ATG10: variants seen among roughly 807,000 people sequenced by gnomAD.
ATG10 encodes autophagy related 10.
A neutral mutation model predicts 32.1 loss-of-function variants in ATG10; 30 were observed. That is an observed-to-expected ratio of 0.94 (90% CI 0.70 to 1.27). The LOEUF is 1.27. ATG10 is among the 50% of genes most tolerant of loss of function. The pLI, the probability that ATG10 is intolerant of heterozygous loss-of-function variation, is 0.00. For synonymous variants in ATG10, 87 were observed against 91.5 expected, an observed-to-expected ratio of 0.95 and a Z score of 0.28; for missense variants, 233 against 262.3, an observed-to-expected ratio of 0.89 and a Z score of 0.77.
chr5:82,251,030 C>T (rs1351004983), intron 5 of ATG10, among the ~76,000 whole-genome samples: 1 of 152,128 alleles, frequency 6.6e-6, no homozygotes, highest in Non-Finnish European at 1.5e-5. Flanking sequence ...GGCGACTGGT[C>T]AGAGTCACCT....
At chr5:82,241,697 T>TAATAAAAAGAGAAAAAG (rs1746808501) in intron 5 of ATG10, among the ~76,000 whole-genome samples, 1 of 152,134 alleles carries the variant, frequency 6.6e-6, no homozygotes, top group Admixed American at 6.6e-5. Flanking sequence ...AGGGGTCTGC[T>TAATAAAAAGAGAAAAAG]CAACTGTTAC....
chr5:81,993,373 C>CT (rs1388896677), intron 2 of ATG10, among the ~76,000 whole-genome samples: 1 of 36,070 alleles, frequency 2.8e-5, no homozygotes, highest in Non-Finnish European at 6.1e-5. Context: ...CTTTTCTTTT[C>CT]TTTTCTTTTC....
chr5:82,114,527 A>T (rs912454288), intron 3 of ATG10, among the ~76,000 whole-genome samples: 5 of 152,036 alleles, frequency 3.3e-5, no homozygotes, highest in African/African-American at 1.2e-4. Flanking sequence ...TTTTGAGTCA[A>T]TTGAGGCTTT....
intron 2 of ATG10, among the ~76,000 whole-genome samples, chr5:82,055,035 C>CAA (rs1391476463): frequency 2.3e-4 from 35 of 152,036 alleles, no homozygotes; most frequent in East Asian, 1.7e-3. Context: ...GCAGGGCTGA[C>CAA]AAGAGTGGTG....
intron 5 of ATG10, among the ~76,000 whole-genome samples, chr5:82,214,968 T>A (rs1462630688): frequency 6.6e-6 from 1 of 152,248 alleles, no homozygotes; most frequent in East Asian, 1.9e-4. Flanking sequence ...ATAGCATGGA[T>A]GAAGACATGT....
chr5:81,993,336 C>CTTCCTTCCTTCCTTCTTTCTTTCTTTCT (rs1554039310), intron 2 of ATG10, among the ~76,000 whole-genome samples: 4 of 77,732 alleles, frequency 5.1e-5, no homozygotes, highest in Admixed American at 1.3e-4. Flanking sequence ...TCCTTCCTTC[C>CTTCCTTCCTTCCTTCTTTCTTTCTTTCT]TTCTTTCTTT....
In ATG10 at chr5:82,246,696, T is replaced by C. The variant is rs534449386; in HGVS notation, c.454-5866T>C. ...CATGATTTTTGCTTATATAATCTTA[T>C]GTCTTTTTTAAAAAATTAAGAAAAG... On this transcript the variant is annotated intron_variant, in intron 5 of 7. Coordinates refer to ENST00000282185, the MANE Select transcript of ATG10 (RefSeq NM_031482.5). 1.0e-3 allele frequency among the ~76,000 whole-genome samples: 158 copies of C among 152,282 alleles called. 2 individuals are homozygous for C. In the South Asian group the frequency reaches 0.029, roughly 28 times the overall value.
intron 5 of ATG10, among the ~76,000 whole-genome samples, chr5:82,251,984 A>G (rs1222265640): frequency 1.3e-5 from 2 of 152,116 alleles, no homozygotes; most frequent in African/African-American, 2.4e-5. Context: ...CAGAGACGGA[A>G]AGAGAGAGAG....
chr5:82,148,214 T>C (rs1224705189), intron 3 of ATG10: 1 of 152,194 alleles, frequency 6.6e-6, no homozygotes, highest in Non-Finnish European at 1.5e-5. Flanking sequence ...AATAAAATAC[T>C]ATTTGGCCCT....
chr5:82,240,623 TTA>T (rs573753857), intron 5 of ATG10, among the ~76,000 whole-genome samples: 122 of 152,274 alleles, frequency 8.0e-4, no homozygotes, highest in Non-Finnish European at 1.3e-3. Flanking sequence ...AAGAAATAAT[TTA>T]TTGGATAGTT....
intron 2 of ATG10, among the ~76,000 whole-genome samples, chr5:81,988,725 C>T (rs531763445): frequency 5.3e-5 from 8 of 152,258 alleles, no homozygotes; most frequent in South Asian, 2.1e-4. Flanking sequence ...TGAACCACCA[C>T]GCCTGGCCCA....
chr5:81,993,374 T>TTTTCTTTTCC (rs1761544995), intron 2 of ATG10, among the ~76,000 whole-genome samples: 1 of 39,836 alleles, frequency 2.5e-5, no homozygotes, highest in African/African-American at 1.3e-4. Flanking sequence ...TTTTCTTTTC[T>TTTTCTTTTCC]TTTCTTTTCT....
chr5:82,232,329 GA>G (rs1746396410), intron 5 of ATG10, among the ~76,000 whole-genome samples: 2 of 152,190 alleles, frequency 1.3e-5, no homozygotes, highest in South Asian at 4.1e-4. Flanking sequence ...CGTACCACCT[GA>G]AAGTTGTTTC....
chr5:82,234,257 C>A (rs1746475222), intron 5 of ATG10, among the ~76,000 whole-genome samples: 2 of 152,072 alleles, frequency 1.3e-5, no homozygotes, highest in Admixed American at 6.6e-5. Flanking sequence ...GAATTTGCTG[C>A]GTTTGAATTA....
intron 3 of ATG10, among the ~76,000 whole-genome samples, chr5:82,105,182 A>G (rs1295095374): frequency 6.6e-6 from 1 of 152,176 alleles, no homozygotes; most frequent in Non-Finnish European, 1.5e-5. Context: ...GAATGCAAAA[A>G]GCATAGATTT....
At chr5:82,075,848 T>C (rs1218938216) in intron 3 of ATG10, among the ~76,000 whole-genome samples, 1 of 152,038 alleles carries the variant, frequency 6.6e-6, no homozygotes, top group African/African-American at 2.4e-5. Flanking sequence ...GGCAGGAGAA[T>C]CACTTGAACC....
chr5:82,088,738 C>T (rs1448204350), intron 3 of ATG10, among the ~76,000 whole-genome samples: 1 of 152,176 alleles, frequency 6.6e-6, no homozygotes, highest in Non-Finnish European at 1.5e-5. Context: ...CCTCTGCCTT[C>T]AACTCAAAAT....
chr5:82,068,850 T>C (rs189651884), intron 3 of ATG10, among the ~76,000 whole-genome samples: 2 of 150,668 alleles, frequency 1.3e-5, no homozygotes, highest in Admixed American at 6.6e-5. Flanking sequence ...GAGGAAGATA[T>C]GTTGACTTTA....
At chr5:82,084,217 GAAGA>G (rs1291914584) in intron 3 of ATG10, among the ~76,000 whole-genome samples, 38 of 152,310 alleles carry the variant, frequency 2.5e-4, no homozygotes, top group South Asian at 6.2e-4. Context: ...TGATCAAGTG[GAAGA>G]AAGGGTATCA....
Sources: gnomAD v4.1 joint callset for allele counts (sites outside exome capture counted in the v4.1 genomes callset) on GRCh38, gnomAD v4.1.1 for gene constraint, MANE v1.5 for transcripts, NCBI Gene and HGNC (gene_info 2026-07-23, HGNC 2026-07-21) for gene names.